Variants in BRAF observed in about 807,000 individuals in gnomAD.
The protein encoded by BRAF is serine/threonine-protein kinase B-raf.
A neutral mutation model predicts 104.6 loss-of-function variants in BRAF; 16 were observed. The observed-to-expected ratio is 0.15, with a 90% CI of 0.10 to 0.23. The LOEUF is 0.23. Among genes scored for constraint, BRAF ranks in the 10% least tolerant of loss-of-function variants. The probability of loss-of-function intolerance (pLI) is 1.00; values close to 1 mark genes in which losing one functional copy is unlikely to be tolerated. For synonymous variants in BRAF, 310 were observed against 341.6 expected (o/e 0.91, Z 1.02); for missense variants, 541 against 937.3 (o/e 0.58, Z 5.52).
At chr7:140,844,755 G>T (rs117378677) in intron 2 of BRAF, among the ~76,000 whole-genome samples, 1 of 151,964 alleles carries the variant, frequency 6.6e-6, no homozygotes, top group Non-Finnish European at 1.5e-5. Context: ...GTGAAACTCC[G>T]TCTCCACTAA....
At chr7:140,785,559 C>G (rs1232705119) in intron 10 of BRAF, 1 of 394,364 alleles carries the variant, frequency 2.5e-6, no homozygotes, top group East Asian at 3.6e-5. Flanking sequence ...TCCAGCCAGG[C>G]CAAACAGAAA....
Position 140,725,306 on chromosome 7 carries a change from T to C in BRAF, c.*1188A>G, listed in dbSNP as rs1348239861. 6 of 1,030,902 alleles carry C rather than the reference T, an allele frequency of 5.8e-6. No individual in the cohort carries two copies. The highest frequency in any genetic ancestry group is 5.7e-5 in the East Asian group (1 of 17,416). 63.9% of individuals were successfully genotyped at this position (1,030,902 alleles called of 1,614,324 possible). A position where few individuals can be genotyped will look rare whatever the true frequency, so the allele number is the denominator to read the frequency against. On this transcript the variant is annotated 3_prime_UTR_variant, in exon 20 of 20. Coordinates refer to ENST00000644969, the MANE Select transcript of BRAF (RefSeq NM_001374258.1). ...ACCATTAATTGAAAAATTATAAATA[T>C]TTGTCATTATGCTAAGACTCCTCAT...
intron 7 of BRAF, 43 bp downstream of exon 7, chr7:140,800,319 G>C (rs778648085): frequency 1.2e-6 from 2 of 1,613,120 alleles, no homozygotes; most frequent in Admixed American, 3.3e-5. Context: ...AAAAGAAAGC[G>C]GTTCAAGTAG....
At chr7:140,825,274 T>C (rs1586302094) in intron 3 of BRAF, among the ~76,000 whole-genome samples, 1 of 152,272 alleles carries the variant, frequency 6.6e-6, no homozygotes, top group East Asian at 1.9e-4. Context: ...AGCCATTTGT[T>C]TTCTTACTAT....
intron 3 of BRAF, among the ~76,000 whole-genome samples, chr7:140,820,626 C>T (rs1450673851): frequency 6.6e-6 from 1 of 152,142 alleles, no homozygotes; most frequent in Non-Finnish European, 1.5e-5. Flanking sequence ...CCCCAATTAA[C>T]AGATTTTTAC....
intron 3 of BRAF, among the ~76,000 whole-genome samples, chr7:140,812,757 A>G (rs1310443313): frequency 6.6e-6 from 1 of 152,264 alleles, no homozygotes; most frequent in Non-Finnish European, 1.5e-5. Context: ...AAGTGCGAAT[A>G]AGATAAAGGC....
chr7:140,772,044 A>G (rs1162046343), intron 14 of BRAF, among the ~76,000 whole-genome samples: 2 of 152,178 alleles, frequency 1.3e-5, no homozygotes, highest in Non-Finnish European at 2.9e-5. Flanking sequence ...AAAATTAGGT[A>G]TGTAAGGAAT....
chr7:140,909,243 T>C (rs1816691709), intron 1 of BRAF, among the ~76,000 whole-genome samples: 4 of 151,972 alleles, frequency 2.6e-5, no homozygotes, highest in Non-Finnish European at 5.9e-5. Flanking sequence ...CTGACCAACA[T>C]GGAAAACCCC....
At chr7:140,918,029 C>T (rs1817807122) in intron 1 of BRAF, among the ~76,000 whole-genome samples, 1 of 152,152 alleles carries the variant, frequency 6.6e-6, no homozygotes, top group Admixed American at 6.5e-5. Context: ...AGATTGCTGA[C>T]CTCTGCCTTA....
chr7:140,798,937 C>T (rs1222559302), intron 7 of BRAF: 1 of 173,356 alleles, frequency 5.8e-6, no homozygotes, highest in African/African-American at 2.4e-5. Flanking sequence ...CCTCCACCTC[C>T]CAGGTTCAAG....
intron 4 of BRAF, 71 bp from the exon 5 acceptor site, chr7:140,808,133 T>C (rs1803846862): frequency 7.9e-7 from 1 of 1,265,344 alleles, no homozygotes; most frequent in Non-Finnish European, 1.2e-6. Flanking sequence ...ATGCTGAAGA[T>C]ATGAAAATTG....
chr7:140,843,566 T>G (rs1195817352), intron 2 of BRAF, among the ~76,000 whole-genome samples: 1 of 152,236 alleles, frequency 6.6e-6, no homozygotes, highest in East Asian at 1.9e-4. Flanking sequence ...TCATGTTTCC[T>G]CTAAAATTTC....
At chr7:140,757,983 C>T (rs568028072) in intron 14 of BRAF, 4 of 152,290 alleles carry the variant, frequency 2.6e-5, no homozygotes, top group South Asian at 4.1e-4. Context: ...GATAATATTG[C>T]TATGCCATTT....
chr7:140,924,651 A>G lies in BRAF; in HGVS notation c.53T>C (p.Leu18Pro). ...GGGGAEPGQALFNGDMEPEAG... is the reference protein window; with the variant it reads ...GGGGAEPGQAPFNGDMEPEAG... ...CTCGGGCTCCATGTCCCCGTTGAAC[A>G]GAGCCTGGCCCGGCTCCGCGCCGCC... Residue 18 changes from leucine to proline, a missense_variant, in exon 1 of 20, where the codon CTG becomes CCG. By Grantham distance (98) the Leu-to-Pro change is moderately conservative (BLOSUM62 -3). Around this residue, in one of 10 missense-constraint regions of BRAF, gnomAD observed 82 missense variants for 65.9 expected, o/e 1.24. Coordinates refer to ENST00000644969, the MANE Select transcript of BRAF (RefSeq NM_001374258.1). This position sits in a 1 kb window ranked among gnomAD's most constrained non-coding sequence, Gnocchi z 4.2. The G allele has an allele frequency of 7.0e-7, 1 of 1,438,254 alleles. No homozygotes were observed. 89.1% of individuals were successfully genotyped at this position (1,438,254 alleles called of 1,614,324 possible).
intron 18 of BRAF, among the ~76,000 whole-genome samples, chr7:140,739,439 A>C (rs569226332): frequency 6.6e-6 from 1 of 151,438 alleles, no homozygotes; most frequent in Non-Finnish European, 1.5e-5. Flanking sequence ...TTGGTTTACT[A>C]TGTTTAATTC....
intron 1 of BRAF, among the ~76,000 whole-genome samples, chr7:140,872,233 A>AAATAAATAAATG (rs909602723): frequency 1.3e-5 from 2 of 151,946 alleles, no homozygotes; most frequent in African/African-American, 4.8e-5. Flanking sequence ...ATAAATAAAT[A>AAATAAATAAATG]AATAAATAAA....
At position 140,721,927 on chromosome 7, in the gene BRAF, C is replaced by G; in HGVS notation, c.*4567G>C. 7.9e-7 allele frequency: 1 copy of G among 1,260,776 alleles called. No homozygotes were observed. The highest frequency in any genetic ancestry group is 9.9e-7 in the Non-Finnish European group (1 of 1,005,426). 78.1% of individuals were successfully genotyped at this position (1,260,776 alleles called of 1,614,324 possible). Reference sequence around the variant, plus strand: ...CGGGAAGAAATTTACATTTCAAACTCTGAAAAATCAGTGTCTAGGTTGGCA... The same window carrying G: ...CGGGAAGAAATTTACATTTCAAACTGTGAAAAATCAGTGTCTAGGTTGGCA... On this transcript the variant is annotated 3_prime_UTR_variant, in exon 20 of 20. Transcript: ENST00000644969.
chr7:140,832,640 C>T (rs1023244722), intron 3 of BRAF, among the ~76,000 whole-genome samples: 9 of 152,092 alleles, frequency 5.9e-5, no homozygotes, highest in Non-Finnish European at 1.3e-4. Context: ...GTATTGAATA[C>T]GAATTGTTAA....
chr7:140,814,737 A>G (rs960532077), intron 3 of BRAF, among the ~76,000 whole-genome samples: 2 of 132,794 alleles, frequency 1.5e-5, no homozygotes, highest in Non-Finnish European at 3.0e-5. Flanking sequence ...ATATAACATA[A>G]TTTATATACA....
Sources: gnomAD v4.1 joint callset for allele counts (sites outside exome capture counted in the v4.1 genomes callset) on GRCh38, gnomAD v4.1.1 for gene constraint, gnomAD v4.1.1 regional missense constraint, Gnocchi (gnomAD v3.1) non-coding constraint, MANE v1.5 for transcripts, NCBI Gene and HGNC (gene_info 2026-07-23, HGNC 2026-07-21) for gene names.